Variants in ZNF343 observed in about 807,000 individuals in gnomAD.
The protein encoded by ZNF343 is zinc finger protein 343.
Under a neutral mutation model 13.8 loss-of-function variants are expected in ZNF343, and 11 were observed. That is an observed-to-expected ratio of 0.80 (90% confidence interval 0.50 to 1.32). ZNF343 has a LOEUF of 1.32. Ranked by LOEUF, ZNF343 falls within the 40% of genes most tolerant of loss-of-function variation. The pLI, the probability that ZNF343 is intolerant of heterozygous loss-of-function variation, is 0.00. For synonymous variants in ZNF343, 248 were observed against 260.0 expected (o/e 0.95, Z 0.44); for missense variants, 658 against 714.2 (o/e 0.92, Z 0.90).
Position 2,493,872 on chromosome 20 carries a change from T to C in ZNF343, c.24A>G (p.Ala8=), listed in dbSNP as rs1568480775. The C allele has an allele frequency of 6.2e-7, 1 of 1,613,864 alleles. No individual in the cohort carries two copies. Among genetic ancestry groups the C allele is most frequent in the Non-Finnish European group, 8.5e-7 (1 of 1,179,782 alleles). ...TCTCTTCCCAGTATTGATCTCCCAG[T>C]GCTGAAGGATAAGGCAACATCATGG... MMLPYPS[A]LGDQYWEEIL... Residue 8 remains alanine (A), a synonymous_variant, in exon 3 of 6, where the codon GCA becomes GCG. Transcript: ENST00000278772.
At chr20:2,491,403 A>C (rs2085363400) in intron 5 of ZNF343, among the ~76,000 whole-genome samples, 1 of 152,218 alleles carries the variant, frequency 6.6e-6, no homozygotes, top group South Asian at 2.1e-4. Flanking sequence ...ACTTGTAAAA[A>C]TGTGGTTACT....
intron 5 of ZNF343, among the ~76,000 whole-genome samples, chr20:2,489,871 G>T (rs1032746933): frequency 6.6e-6 from 1 of 152,066 alleles, no homozygotes; most frequent in Non-Finnish European, 1.5e-5. Flanking sequence ...AAAGAGACTC[G>T]GGCCGGGCTA....
rs528555340 is a variant in ZNF343 at position 2,487,253 on chromosome 20, TAA to T, written c.305-2599_305-2598del. Among the ~76,000 whole-genome samples the T allele has an allele frequency of 6.0e-4, 91 of 152,318 alleles. 1 individual carries two copies. The highest frequency in any genetic ancestry group is 1.2e-3 in the South Asian group (6 of 4,826). ...GATTTAATTCCTTTCTTTGAGTATT[TAA>T]ACACTAACATGCTCCAAAAGTGCAA... is the stretch of plus-strand genomic sequence containing the variant. On this transcript the variant is annotated intron_variant, in intron 5 of 5. Transcript: ENST00000278772.
intron 1 of ZNF343, among the ~76,000 whole-genome samples, chr20:2,504,090 A>G (rs1447940818): frequency 6.6e-6 from 1 of 152,170 alleles, no homozygotes; most frequent in Non-Finnish European, 1.5e-5. Context: ...GAAAAGAGAG[A>G]AGAATCAAAT....
At chr20:2,485,340 A>G (rs146466638) in intron 5 of ZNF343, among the ~76,000 whole-genome samples, 1 of 152,248 alleles carries the variant, frequency 6.6e-6, no homozygotes, top group African/African-American at 2.4e-5. Flanking sequence ...AAAAAGAAAA[A>G]CTTTTCATTT....
intron 1 of ZNF343, among the ~76,000 whole-genome samples, chr20:2,505,162 GACAA>G (rs201052974): frequency 0.12 from 18,275 of 152,032 alleles, 1,161 homozygotes; most frequent in East Asian, 0.16. Context: ...ACCAATAACA[GACAA>G]ACAGAGCGCC....
intron 2 of ZNF343, among the ~76,000 whole-genome samples, chr20:2,496,665 G>A (rs2085463934): frequency 6.6e-6 from 1 of 152,152 alleles, no homozygotes; most frequent in African/African-American, 2.4e-5. Flanking sequence ...GGACGAAAGT[G>A]GACACAGTGT....
rs1276454966 is a variant in ZNF343 at position 2,483,954 on chromosome 20, C to T, written c.1007G>A (p.Ser336Asn). 6.2e-7 allele frequency: 1 copy of T among 1,612,832 alleles called. No homozygotes were observed. Among genetic ancestry groups the T allele is most frequent in the Non-Finnish European group, 8.5e-7 (1 of 1,179,694 alleles). Residue 336 changes from serine (S) to asparagine (N), a missense_variant, in exon 6 of 6, where the codon AGT (serine) becomes AAT (asparagine). By Grantham distance (46) the Ser-to-Asn change is conservative. Transcript: ENST00000278772. ...LCRECGQSFR[S>N]KSILNRHQWT... Reference sequence around the variant, plus strand: ...CTGATGTCTATTGAGGATGGACTTACTTCTAAAGCTTTGCCCACACTCCCT... The same window carrying T: ...CTGATGTCTATTGAGGATGGACTTATTTCTAAAGCTTTGCCCACACTCCCT...
chr20:2,520,856 T>C (rs118180269), intron 1 of ZNF343, among the ~76,000 whole-genome samples: 2,539 of 152,188 alleles, frequency 0.017, 28 homozygotes, highest in Non-Finnish European at 0.027. Flanking sequence ...AGGTTGGCAC[T>C]TGGACTCTGA....
chr20:2,493,846 A>G lies in ZNF343; in HGVS notation c.50T>C (p.Ile17Thr). 6.2e-7 allele frequency: 1 copy of G among 1,613,902 alleles called. No homozygotes were observed. Among genetic ancestry groups the G allele is most frequent in the Non-Finnish European group, 8.5e-7 (1 of 1,179,916 alleles). The change falls in exon 3 of 6, where the codon ATT becomes ACT. Residue 17 changes from isoleucine (I) to threonine (T), a missense_variant. By Grantham distance (89) the Ile-to-Thr change is moderately conservative. Coordinates refer to ENST00000278772, the MANE Select transcript of ZNF343 (RefSeq NM_024325.6). ...SALGDQYWEEILLPKNGENVE... is the reference protein window; with the variant it reads ...SALGDQYWEETLLPKNGENVE... Reference sequence around the variant, plus strand: ...ATTTTCCCCATTCTTTGGAAGCAAAATCTCTTCCCAGTATTGATCTCCCAG... The same window carrying G: ...ATTTTCCCCATTCTTTGGAAGCAAAGTCTCTTCCCAGTATTGATCTCCCAG...
chr20:2,495,081 T>C (rs1331755461), intron 2 of ZNF343, among the ~76,000 whole-genome samples: 1 of 152,230 alleles, frequency 6.6e-6, no homozygotes, highest in Non-Finnish European at 1.5e-5. Context: ...TACAGGCCTA[T>C]TGTTGCCTAG....
chr20:2,511,867 A>G (rs1419439793), upstream of ZNF343, among the ~76,000 whole-genome samples: 1 of 152,206 alleles, frequency 6.6e-6, no homozygotes, highest in African/African-American at 2.4e-5. Context: ...CAAGACAAGG[A>G]TGCTTACTTT....
chr20:2,498,606 G>T (rs1240494013), intron 2 of ZNF343, among the ~76,000 whole-genome samples: 1 of 152,186 alleles, frequency 6.6e-6, no homozygotes, highest in African/African-American at 2.4e-5. Flanking sequence ...AGATAATTCA[G>T]ATATTCATCA....
upstream of ZNF343, among the ~76,000 whole-genome samples, chr20:2,510,064 G>C (rs1249405213): frequency 6.6e-6 from 1 of 152,162 alleles, no homozygotes; most frequent in African/African-American, 2.4e-5. Context: ...TTTAGCTTAG[G>C]TGCCTAGCTC....
rs1555761162 is a variant in ZNF343 at position 2,484,040 on chromosome 20, G to A, written c.921C>T (p.Ser307=). The change falls in exon 6 of 6, where the codon AGC becomes AGT. Residue 307 remains serine, a synonymous_variant. Coordinates refer to ENST00000278772, the MANE Select transcript of ZNF343 (RefSeq NM_024325.6). ...YVCSECGRGF[S]QKSNLSRHQR... ...GGTGTCTGCTGAGGTTGGACTTCTG[G>A]CTAAAACCTCGCCCGCACTCACTGC... 3 of 1,614,004 alleles carry A rather than the reference G, an allele frequency of 1.9e-6. No individual in the cohort carries two copies. Among genetic ancestry groups the A allele is most frequent in the South Asian group, 2.2e-5 (2 of 91,080 alleles).
Position 2,483,847 on chromosome 20 carries a change from G to C in ZNF343, c.1114C>G (p.Gln372Glu). Residue 372 changes from glutamine to glutamate, a missense_variant, in exon 6 of 6, where the codon CAG (glutamine) becomes GAG (glutamate). Transcript: ENST00000278772. ...GGTTTCTCACCGGAGTGTGTCCTCT[G>C]GTGTCTGATGAAGGATGACTTCTCG... ...FSEKSSFIRH[Q>E]RTHSGEKPYV... 6.2e-7 allele frequency: 1 copy of C among 1,613,556 alleles called. No homozygotes were observed. The highest frequency in any genetic ancestry group is 1.1e-5 in the South Asian group (1 of 91,048).
At chr20:2,513,171 G>A (rs2085745667), upstream of ZNF343, among the ~76,000 whole-genome samples, 1 of 152,050 alleles carries the variant, frequency 6.6e-6, no homozygotes, top group South Asian at 2.1e-4. Context: ...GAGTGACAAG[G>A]CAACCCATAA....
intron 2 of ZNF343, among the ~76,000 whole-genome samples, chr20:2,497,248 A>C (rs188230865): frequency 6.6e-6 from 1 of 152,086 alleles, no homozygotes; most frequent in East Asian, 1.9e-4. Flanking sequence ...AGGGGAAGGA[A>C]GAGGTCTACA....
At chr20:2,511,974 ATCTC>A (rs377742195), upstream of ZNF343, among the ~76,000 whole-genome samples, 437 of 152,384 alleles carry the variant, frequency 2.9e-3, 1 homozygote, top group African/African-American at 1.0e-2. Context: ...AAGTAAAACT[ATCTC>A]TATTCACAGA....
Sources: allele counts gnomAD v4.1 joint callset (sites outside exome capture counted in the v4.1 genomes callset), GRCh38; gene constraint gnomAD v4.1.1; transcripts MANE v1.5; gene names NCBI Gene and HGNC (gene_info 2026-07-23, HGNC 2026-07-21).